Variants in PLCE1 observed in about 807,000 individuals in gnomAD.
PLCE1 encodes the protein 1-phosphatidylinositol 4,5-bisphosphate phosphodiesterase epsilon-1.
PLCE1 carries 119 observed loss-of-function variants against 242.8 expected under a neutral mutation model. That is an observed-to-expected ratio of 0.49 (90% confidence interval 0.42 to 0.57). The LOEUF (loss-of-function observed/expected upper bound fraction) is 0.57. Among genes scored for constraint, PLCE1 ranks in the 20% least tolerant of loss-of-function variants. The pLI, the probability that PLCE1 is intolerant of heterozygous loss-of-function variation, is 0.00. For synonymous variants in PLCE1, 945 were observed against 1,017.4 expected (o/e 0.93, Z 1.35); for missense variants, 2,441 against 2,788.8 (o/e 0.88, Z 2.81).
At chr10:94,249,942 G>GA (rs377321739) in intron 8 of PLCE1, among the ~76,000 whole-genome samples, 9 of 146,590 alleles carry the variant, frequency 6.1e-5, no homozygotes, top group East Asian at 3.9e-4. Flanking sequence ...TTACGTGGGG[G>GA]AAAAAAAAAA....
intron 4 of PLCE1, among the ~76,000 whole-genome samples, chr10:94,203,686 T>C (rs897116284): frequency 1.3e-5 from 2 of 152,140 alleles, no homozygotes; most frequent in Non-Finnish European, 2.9e-5. Flanking sequence ...TAAGCAGAAA[T>C]AAAAAGAGGT....
chr10:94,186,281 A>G (rs1373655959), intron 4 of PLCE1, among the ~76,000 whole-genome samples: 2 of 152,132 alleles, frequency 1.3e-5, no homozygotes, highest in Admixed American at 6.6e-5. Context: ...GCTTTTCTCT[A>G]TTAGCTCTAA....
chr10:94,078,453 A>C (rs2044566471), intron 2 of PLCE1, among the ~76,000 whole-genome samples: 1 of 151,912 alleles, frequency 6.6e-6, no homozygotes. Flanking sequence ...TTAGCCCCTC[A>C]GAAAACATGA....
At chr10:94,061,663 A>G (rs750749438) in intron 2 of PLCE1, among the ~76,000 whole-genome samples, 3 of 152,182 alleles carry the variant, frequency 2.0e-5, no homozygotes, top group Non-Finnish European at 4.4e-5. Context: ...AGCCTGGGCA[A>G]CACAGAGCAA....
chr10:94,250,425 C>G (rs867930737), intron 8 of PLCE1, among the ~76,000 whole-genome samples: 2 of 150,028 alleles, frequency 1.3e-5, no homozygotes, highest in Non-Finnish European at 3.0e-5. Context: ...CAGTTGAAAC[C>G]GGGAGGCGGA....
chr10:94,013,982 T>C (rs2061224048), intron 1 of PLCE1, among the ~76,000 whole-genome samples: 1 of 152,052 alleles, frequency 6.6e-6, no homozygotes, highest in Non-Finnish European at 1.5e-5. Context: ...GGACTGGACA[T>C]TGGTTTGTTT....
At chr10:94,229,114 G>A (rs2050052717) in intron 5 of PLCE1, among the ~76,000 whole-genome samples, 1 of 151,892 alleles carries the variant, frequency 6.6e-6, no homozygotes, top group African/African-American at 2.4e-5. Flanking sequence ...CCAGGAGGTG[G>A]AGGTTGCAGT....
Position 94,306,516 on chromosome 10 carries a change from C to T in PLCE1, c.5712C>T (p.Cys1904=). Residue 1904 remains cysteine, a synonymous_variant, in exon 26 of 33, where the codon TGC becomes TGT. Coordinates refer to ENST00000371380, the MANE Select transcript of PLCE1 (RefSeq NM_016341.4). The surrounding 1 kb of genome is among the most constrained non-coding windows in gnomAD (Gnocchi z 5.7). ...VDVLGMPLDS[C]HFRTKPIHRN... is the part of the protein sequence containing the mutation. ...TCCTGGGCATGCCTCTGGACAGCTG[C>T]CATTTCCGCACAAAGCCCATCCATC... 6.2e-7 allele frequency: 1 copy of T among 1,614,178 alleles called. No individual in the cohort carries two copies. The highest frequency in any genetic ancestry group is 8.5e-7 in the Non-Finnish European group (1 of 1,180,020).
chr10:94,038,220 A>G (rs2061701824), intron 2 of PLCE1, among the ~76,000 whole-genome samples: 1 of 152,048 alleles, frequency 6.6e-6, no homozygotes, highest in Non-Finnish European at 1.5e-5. Context: ...TGTTGATCAA[A>G]TGATTCAGCA....
At chr10:94,268,625 C>T (rs553059155) in intron 16 of PLCE1, among the ~76,000 whole-genome samples, 3 of 152,312 alleles carry the variant, frequency 2.0e-5, no homozygotes, top group Non-Finnish European at 2.9e-5. Flanking sequence ...AATTTGAAGA[C>T]GTGCCCTTTC....
At chr10:94,237,719 G>C (rs369055331) in intron 7 of PLCE1, among the ~76,000 whole-genome samples, 1 of 152,212 alleles carries the variant, frequency 6.6e-6, no homozygotes, top group South Asian at 2.1e-4. Flanking sequence ...ACACAAGTTA[G>C]GTTGGTGGGG....
At chr10:94,077,948 AG>A (rs2044553840) in intron 2 of PLCE1, among the ~76,000 whole-genome samples, 1 of 152,264 alleles carries the variant, frequency 6.6e-6, no homozygotes, top group Admixed American at 6.5e-5. Flanking sequence ...TGTTCCAAAA[AG>A]CAAAAGACCT....
At chr10:94,147,063 GTC>G (rs1183340248) in intron 3 of PLCE1, among the ~76,000 whole-genome samples, 1 of 151,830 alleles carries the variant, frequency 6.6e-6, no homozygotes, top group Non-Finnish European at 1.5e-5. Context: ...GAAACGCTGT[GTC>G]TCTCTCCCCC....
intron 1 of PLCE1, among the ~76,000 whole-genome samples, chr10:94,001,548 A>G (rs1377157035): frequency 6.6e-6 from 1 of 152,224 alleles, no homozygotes; most frequent in Admixed American, 6.5e-5. Flanking sequence ...TTAGGTTTAA[A>G]CTATATAATA....
At chr10:94,244,444 G>A (rs554650165) in intron 7 of PLCE1, among the ~76,000 whole-genome samples, 2 of 152,282 alleles carry the variant, frequency 1.3e-5, no homozygotes, top group Admixed American at 6.5e-5. Flanking sequence ...AGACTCTTGG[G>A]CAGGTTCCTG....
At chr10:94,128,312 G>C (rs912043396) in intron 2 of PLCE1, among the ~76,000 whole-genome samples, 3 of 152,130 alleles carry the variant, frequency 2.0e-5, no homozygotes, top group African/African-American at 7.2e-5. Flanking sequence ...CAGGTTCCCT[G>C]AACATTGCCA....
intron 23 of PLCE1, among the ~76,000 whole-genome samples, chr10:94,294,022 G>A (rs747727624): frequency 1.3e-5 from 2 of 152,132 alleles, no homozygotes; most frequent in African/African-American, 4.8e-5. Flanking sequence ...CAAGAGAATC[G>A]CTTAAGCCCG....
At chr10:94,064,042 G>A (rs1214622685) in intron 2 of PLCE1, among the ~76,000 whole-genome samples, 1 of 152,096 alleles carries the variant, frequency 6.6e-6, no homozygotes, top group Non-Finnish European at 1.5e-5. Flanking sequence ...CTGGGGTCAG[G>A]TCTAGGGGCT....
chr10:94,105,913 C>T (rs2045714089), intron 2 of PLCE1: 1 of 152,122 alleles, frequency 6.6e-6, no homozygotes, highest in African/African-American at 2.4e-5. Context: ...CCTTTTTTCA[C>T]CTTTTTATGA....
Sources: allele counts gnomAD v4.1 joint callset (sites outside exome capture counted in the v4.1 genomes callset), GRCh38; gene constraint gnomAD v4.1.1; non-coding constraint Gnocchi (gnomAD v3.1); transcripts MANE v1.5; gene names NCBI Gene and HGNC (gene_info 2026-07-23, HGNC 2026-07-21).